Variants in PSD2 observed in about 807,000 individuals in gnomAD.
PSD2 encodes pleckstrin and Sec7 domain containing 2.
PSD2 carries 38 observed loss-of-function variants against 69.8 expected under a neutral mutation model. The ratio of observed to expected loss-of-function variants is 0.54; its 90% CI spans 0.42 to 0.71. PSD2 has a LOEUF of 0.71. PSD2 is among the 30% of genes least tolerant of loss of function. The pLI is 0.00. For synonymous variants in PSD2, 412 were observed against 423.0 expected, an observed-to-expected ratio of 0.97 and a Z score of 0.32; for missense variants, 943 against 1,014.5, an observed-to-expected ratio of 0.93 and a Z score of 0.96.
chr5:139,765,905 T>G, the PSD2 span, among the ~76,000 whole-genome samples: 1 of 81,646 alleles, frequency 1.2e-5, no homozygotes, highest in East Asian at 4.2e-4. Flanking sequence ...TACAGCTTCC[T>G]AGGCCGATGA....
At chr5:139,805,090 A>C (rs1759772585) in intron 1 of PSD2, among the ~76,000 whole-genome samples, 1 of 152,098 alleles carries the variant, frequency 6.6e-6, no homozygotes, top group African/African-American at 2.4e-5. Flanking sequence ...GCATGTGTAC[A>C]TGTGTGCATG....
At chr5:139,838,493 C>T in intron 12 of PSD2, 135 bp from the exon 13 acceptor site, 2 of 956,874 alleles carry the variant, frequency 2.1e-6, no homozygotes, top group Middle Eastern at 3.2e-4. Flanking sequence ...TGTGTCCTCC[C>T]TCTCCCCTTT....
intron 2 of PSD2, among the ~76,000 whole-genome samples, chr5:139,812,126 C>T (rs1372409412): frequency 1.3e-5 from 2 of 152,304 alleles, no homozygotes; most frequent in East Asian, 3.9e-4. Context: ...ATACAAACCC[C>T]TTGCTCTCAT....
intron 1 of PSD2, among the ~76,000 whole-genome samples, chr5:139,798,378 C>A (rs907883306): frequency 2.0e-5 from 3 of 152,176 alleles, no homozygotes; most frequent in Admixed American, 1.3e-4. Flanking sequence ...CAGCGCTGTG[C>A]CTGCCTGGCC....
intron 1 of PSD2, among the ~76,000 whole-genome samples, chr5:139,806,713 C>T (rs1008726584): frequency 1.3e-5 from 2 of 152,178 alleles, no homozygotes; most frequent in Non-Finnish European, 2.9e-5. Flanking sequence ...GGACACATAG[C>T]AGTTCAGAGT....
chr5:139,838,787 G>C lies in PSD2; in HGVS notation c.1968+15G>C. 1 of 1,604,122 alleles carries C rather than the reference G, an allele frequency of 6.2e-7. No individual in the cohort carries two copies. Among genetic ancestry groups the C allele is most frequent in the South Asian group, 1.1e-5 (1 of 90,670 alleles). On this transcript the variant is annotated intron_variant, in intron 13 of 14. Coordinates refer to ENST00000274710, the MANE Select transcript of PSD2 (RefSeq NM_032289.4). ...GCCTCTGCCAGGTACATGTTCCTGG[G>C]TCAACATTTTGCCTCCCCAGGCTGC...
In PSD2 at chr5:139,840,132, G is replaced by A. The variant is rs866905843; in HGVS notation, c.2074G>A (p.Glu692Lys). The change falls in exon 14 of 15, where the codon GAG becomes AAG. Residue 692 changes from glutamate to lysine, a missense_variant. Coordinates refer to ENST00000274710, the MANE Select transcript of PSD2 (RefSeq NM_032289.4). ...VERGIKSKEAEEYRLKEHYLT... is the reference protein window; with the variant it reads ...VERGIKSKEAKEYRLKEHYLT... ...GAGGGGCATCAAGTCCAAGGAGGCC[G>A]AGGAGTACCGGTTGAAGGAGCACTA... 10 of 1,614,068 alleles carry A rather than the reference G, an allele frequency of 6.2e-6. No homozygotes were observed. The Middle Eastern group carries it at 8.2e-4, about 133-fold the overall frequency.
At chr5:139,761,459 G>A in the PSD2 span, among the ~76,000 whole-genome samples, 1 of 152,156 alleles carries the variant, frequency 6.6e-6, no homozygotes, top group Admixed American at 6.5e-5. Flanking sequence ...GCTGTAAAAG[G>A]GGCTTCGCAC....
chr5:139,749,181 C>T, the PSD2 span, among the ~76,000 whole-genome samples: 1 of 152,100 alleles, frequency 6.6e-6, no homozygotes, highest in Non-Finnish European at 1.5e-5. Flanking sequence ...TCAGTCGGTT[C>T]CCCCCTAGCA....
chr5:139,777,712 C>T, the PSD2 span, among the ~76,000 whole-genome samples: 1 of 152,012 alleles, frequency 6.6e-6, no homozygotes, highest in Non-Finnish European at 1.5e-5. Context: ...GGCCAGACCT[C>T]ATCTCTACAA....
chr5:139,774,052 C>T, the PSD2 span, among the ~76,000 whole-genome samples: 1 of 151,972 alleles, frequency 6.6e-6, no homozygotes, highest in Non-Finnish European at 1.5e-5. Context: ...CCTTGAACTT[C>T]TAGACTCAGG....
At chr5:139,769,602 A>T in the PSD2 span, among the ~76,000 whole-genome samples, 1 of 152,118 alleles carries the variant, frequency 6.6e-6, no homozygotes, top group African/African-American at 2.4e-5. Flanking sequence ...TGGTGGCTTG[A>T]GTTCTCATCT....
the PSD2 span, among the ~76,000 whole-genome samples, chr5:139,780,155 C>A: frequency 6.6e-6 from 1 of 152,186 alleles, no homozygotes; most frequent in Non-Finnish European, 1.5e-5. Flanking sequence ...ACACTCTACC[C>A]TTGAGTTCTC....
At chr5:139,834,466 C>CT (rs111907193) in intron 8 of PSD2, among the ~76,000 whole-genome samples, 3,727 of 140,022 alleles carry the variant, frequency 0.027, 95 homozygotes, top group African/African-American at 0.064. Flanking sequence ...TATTTTTATG[C>CT]TTTTTTTTTT....
chr5:139,826,651 T>C (rs1226337254), intron 7 of PSD2, among the ~76,000 whole-genome samples: 1 of 152,156 alleles, frequency 6.6e-6, no homozygotes, highest in East Asian at 1.9e-4. Flanking sequence ...TGGGTTTAGT[T>C]AAGGTCACAA....
intron 1 of PSD2, 112 bp from the exon 2 acceptor site, chr5:139,809,279 G>C: frequency 1.2e-6 from 1 of 805,370 alleles, no homozygotes; most frequent in Non-Finnish European, 1.9e-6. Flanking sequence ...AGGTCATCTT[G>C]GCCATCTCCC....
At chr5:139,824,036 G>C (rs1418204227) in intron 7 of PSD2, among the ~76,000 whole-genome samples, 1 of 152,212 alleles carries the variant, frequency 6.6e-6, no homozygotes, top group Non-Finnish European at 1.5e-5. Flanking sequence ...CCATATGAAT[G>C]TCACTCACCA....
intron 14 of PSD2, among the ~76,000 whole-genome samples, chr5:139,841,283 A>C (rs555549229): frequency 6.6e-6 from 1 of 152,328 alleles, no homozygotes; most frequent in African/African-American, 2.4e-5. Context: ...CTTGGAGATG[A>C]CCTTGAGCAG....
the PSD2 span, among the ~76,000 whole-genome samples, chr5:139,781,692 G>A: frequency 1.3e-5 from 2 of 151,256 alleles, no homozygotes; most frequent in East Asian, 3.9e-4. Flanking sequence ...GGAGTGCAAT[G>A]GCGCAATCTC....
Sources: gnomAD v4.1 joint callset for allele counts (sites outside exome capture counted in the v4.1 genomes callset) on GRCh38, gnomAD v4.1.1 for gene constraint, MANE v1.5 for transcripts, NCBI Gene and HGNC (gene_info 2026-07-23, HGNC 2026-07-21) for gene names.